The following OR2V1 variants were observed in gnomAD, a reference collection of about 807,000 sequenced individuals.
OR2V1 encodes the protein olfactory receptor family 2 subfamily V member 1.
A neutral mutation model predicts 15.0 loss-of-function variants in OR2V1; 18 were observed. That is an observed-to-expected ratio of 1.20 (90% CI 0.83 to 1.78). The LOEUF (loss-of-function observed/expected upper bound fraction) is 1.78, where lower values mean the gene tolerates loss of function less well. Ranked by LOEUF, OR2V1 falls within the 40% of genes most tolerant of loss-of-function variation. OR2V1 has a pLI of 0.00. For missense variants in OR2V1, 359 were observed against 392.9 expected (o/e 0.91, Z 0.73); for synonymous variants, 144 against 146.1 (o/e 0.99, Z 0.10).
chr5:181,125,024 G>C lies in OR2V1; in HGVS notation c.281C>G (p.Ser94Cys), dbSNP rs1451641023. 1 of 1,614,096 alleles carries C rather than the reference G, an allele frequency of 6.2e-7. No homozygotes were observed. Among genetic ancestry groups the C allele is most frequent in the Non-Finnish European group, 8.5e-7 (1 of 1,180,048 alleles). The stretch of plus-strand genomic sequence containing the variant: ...AATTTGTATGCCACAGCCCACAAAG[G>C]AGATGGACTTCCTGCCAGACAGGAA... ...ANFLSGRKSI[S>C]FVGCGIQIGF... Residue 94 changes from serine (S) to cysteine (C), a missense_variant, in exon 4 of 4, where the codon TCC becomes TGC. By Grantham distance (112) the Ser-to-Cys change is moderately radical. Coordinates refer to ENST00000641551, the MANE Select transcript of OR2V1 (RefSeq NM_001258283.2).
In OR2V1 at chr5:181,124,696, G is replaced by A; in HGVS notation, c.609C>T (p.Cys203=). 1 of 1,612,798 alleles carries A rather than the reference G, an allele frequency of 6.2e-7. No homozygotes were observed. Among genetic ancestry groups the A allele is most frequent in the Non-Finnish European group, 8.5e-7 (1 of 1,180,026 alleles). ...TSLFDTLLFA[C]CVFMLLLPFS... ...AGGGAAGGAGAAGCATGAAGACACA[G>A]CAAGCAAAGAGGAGGGTGTCAAAAA... Residue 203 remains cysteine, a synonymous_variant, in exon 4 of 4, where the codon TGC becomes TGT. Transcript: ENST00000641551.
In OR2V1 at chr5:181,123,375, T is replaced by C. The variant is rs6889758; in HGVS notation, c.*982A>G. On this transcript the variant is annotated 3_prime_UTR_variant, in exon 4 of 4. Transcript: ENST00000641551. ...AAGGTGGTCAGGGCACGCTTGGTTTTATACATTTTAGGGAGACATGAGACA... is the reference window on the plus strand; with the variant it reads ...AAGGTGGTCAGGGCACGCTTGGTTTCATACATTTTAGGGAGACATGAGACA... 4,371 of 153,024 alleles carry C rather than the reference T, an allele frequency of 0.029. 197 individuals are homozygous for C. Among genetic ancestry groups the C allele is most frequent in the African/African-American group, 0.099 (4,093 of 41,542 alleles). 9.5% of individuals were successfully genotyped at this position (153,024 alleles called of 1,614,324 possible).
intron 3 of OR2V1, among the ~76,000 whole-genome samples, chr5:181,126,701 C>T (rs1286934049): frequency 6.6e-6 from 1 of 151,974 alleles, no homozygotes; most frequent in Non-Finnish European, 1.5e-5. Context: ...AACACATAAG[C>T]ACACATACAT....
chr5:181,125,397 G>T, intron 3 of OR2V1, 72 bp from the exon 4 acceptor site: 1 of 1,159,124 alleles, frequency 8.6e-7, no homozygotes, highest in Non-Finnish European at 1.2e-6. Context: ...CAGTTCAACA[G>T]CGTATGCTCT....
intron 3 of OR2V1, among the ~76,000 whole-genome samples, chr5:181,128,298 C>CCACTTGGCCA (rs1380041384): frequency 6.6e-6 from 1 of 152,078 alleles, no homozygotes; most frequent in Non-Finnish European, 1.5e-5. Flanking sequence ...CTGCCAGCTC[C>CCACTTGGCCA]CACCTGGCCA....
rs1362298291 is a variant in OR2V1 at position 181,125,184 on chromosome 5, A to G, written c.121T>C (p.Cys41Arg). 1.9e-6 allele frequency: 3 copies of G among 1,614,046 alleles called. No homozygotes were observed. Residue 41 changes from cysteine to arginine, a missense_variant, in exon 4 of 4, where the codon TGT (cysteine) becomes CGT (arginine). Transcript: ENST00000641551. The part of the protein sequence containing the change: ...AVMVVFTVAL[C>R]GNVLLIFLIY... The stretch of plus-strand genomic sequence containing the variant: ...AGGAAGATGAGGAGGACATTCCCAC[A>G]GAGGGCCACTGTGAAGACCACCATA...
rs937336174 is a variant in OR2V1 at position 181,131,132 on chromosome 5, C to G, written c.-203G>C. The G allele has an allele frequency of 6.6e-6, 1 of 152,304 alleles. No homozygotes were observed. Among genetic ancestry groups the G allele is most frequent in the Non-Finnish European group, 1.5e-5 (1 of 68,106 alleles). The allele number at this position is 152,304 out of a possible 1,614,324, so 9.4% of individuals were successfully genotyped here. On this transcript the variant is annotated 5_prime_UTR_variant, in exon 1 of 4. Transcript: ENST00000641551. ...GGCGTTTCTGCAGGGTCAGTGTCTT[C>G]GTGGGCTGCTGGGGATGGGGCTGAA...
rs1762832377 is a variant in OR2V1, at chr5:181,123,820, A to G, written c.*537T>C. The G allele has an allele frequency of 1.3e-5, 2 of 152,282 alleles. No homozygotes were observed. The highest frequency in any genetic ancestry group is 1.3e-4 in the Admixed American group (2 of 15,294). The allele number at this position is 152,282 out of a possible 1,614,324, so 9.4% of individuals were successfully genotyped here. A position where few individuals can be genotyped will look rare whatever the true frequency, so the allele number is the denominator to read the frequency against. ...AAAAGGCAAAGAACTGTCCAAAAAG[A>G]GTTATAGGGACTCAATTTCTGCCAT... is the stretch of plus-strand genomic sequence containing the variant. On this transcript the variant is annotated 3_prime_UTR_variant, in exon 4 of 4. Transcript: ENST00000641551.
chr5:181,127,317 T>C (rs1224876649), intron 3 of OR2V1, among the ~76,000 whole-genome samples: 1 of 152,258 alleles, frequency 6.6e-6, no homozygotes, highest in Non-Finnish European at 1.5e-5. Flanking sequence ...GAAAGGCTCC[T>C]GCTTCATTGG....
rs761409204 is a variant in OR2V1, at chr5:181,125,081, A to T, written c.224T>A (p.Val75Asp). ...SQLSLMDLML[V>D]CNIVPKMAAN... The stretch of plus-strand genomic sequence containing the variant: ...TGCCATCTTTGGCACAATGTTACAG[A>T]CCAACATGAGGTCCATGAGGGAGAG... The change falls in exon 4 of 4, where the codon GTC becomes GAC. Residue 75 changes from valine to aspartate, a missense_variant. Val to Asp is a radical substitution (Grantham distance 152). Coordinates refer to ENST00000641551, the MANE Select transcript of OR2V1 (RefSeq NM_001258283.2). The T allele has an allele frequency of 1.4e-5, 22 of 1,614,066 alleles. No homozygotes were observed. Among genetic ancestry groups the T allele is most frequent in the African/African-American group, 9.3e-5 (7 of 74,920 alleles).
chr5:181,130,179 G>A lies in OR2V1; in HGVS notation c.-84C>T, dbSNP rs1762943207. 2 of 398,680 alleles carry A rather than the reference G, an allele frequency of 5.0e-6. No individual in the cohort carries two copies. The highest frequency in any genetic ancestry group is 2.5e-4 in the South Asian group (2 of 7,866). 24.7% of individuals were successfully genotyped at this position (398,680 alleles called of 1,614,324 possible). A position where few individuals can be genotyped will look rare whatever the true frequency, so the allele number is the denominator to read the frequency against. ...GGACAAGACCCTCACTCACCTGTGG[G>A]TGGGTCCCTGCAGGGGAACAAACTC... On this transcript the variant is annotated 5_prime_UTR_variant, in exon 2 of 4. Coordinates refer to ENST00000641551, the MANE Select transcript of OR2V1 (RefSeq NM_001258283.2).
chr5:181,125,018 A>G lies in OR2V1; in HGVS notation c.287T>C (p.Val96Ala). The change falls in exon 4 of 4, where the codon GTG becomes GCG. Residue 96 changes from valine to alanine, a missense_variant. Val to Ala is a moderately conservative substitution (Grantham distance 64). Transcript: ENST00000641551. ...AAAGCCAATTTGTATGCCACAGCCC[A>G]CAAAGGAGATGGACTTCCTGCCAGA... ...FLSGRKSISF[V>A]GCGIQIGFFV... The G allele has an allele frequency of 6.2e-7, 1 of 1,614,208 alleles. No homozygotes were observed. The highest frequency in any genetic ancestry group is 1.7e-4 in the Middle Eastern group (1 of 6,042).
chr5:181,130,924 CCTT>C (rs1212310985), intron 1 of OR2V1, 123 bp downstream of exon 1: 1 of 153,130 alleles, frequency 6.5e-6, no homozygotes, highest in Non-Finnish European at 1.5e-5. Flanking sequence ...CCACACCTGT[CCTT>C]CACCTGCCCC....
chr5:181,127,427 G>A (rs1006472193), intron 3 of OR2V1, among the ~76,000 whole-genome samples: 1 of 152,180 alleles, frequency 6.6e-6, no homozygotes, highest in Non-Finnish European at 1.5e-5. Context: ...ACAAAGACGA[G>A]GACCTGCTCC....
chr5:181,127,834 G>T (rs900323508), intron 3 of OR2V1, among the ~76,000 whole-genome samples: 3 of 151,680 alleles, frequency 2.0e-5, no homozygotes, highest in Non-Finnish European at 1.5e-5. Context: ...CCCAGCAGAA[G>T]AAGGGATGCC....
intron 3 of OR2V1, among the ~76,000 whole-genome samples, chr5:181,126,461 GACAC>G (rs1440337537): frequency 7.5e-6 from 1 of 133,210 alleles, no homozygotes; most frequent in Non-Finnish European, 1.6e-5. Flanking sequence ...CACACACAGA[GACAC>G]ACAGACAGAC....
rs1473552251 is a variant in OR2V1, at chr5:181,124,544, CCATAG to C, written c.756_760del (p.Phe252LeufsTer11). The C allele has an allele frequency of 1.2e-6, 2 of 1,613,068 alleles. No homozygotes were observed. The highest frequency in any genetic ancestry group is 1.7e-6 in the Non-Finnish European group (2 of 1,179,574). ...CCTCAGGTACATGAACATGGCTGCCCCATAGAAGAGGGTGACAGCTGTTAGGTGGG... is the reference window on the plus strand; with the variant it reads ...CCTCAGGTACATGAACATGGCTGCCCAAGAGGGTGACAGCTGTTAGGTGGG... On this transcript the variant is annotated frameshift_variant, in exon 4 of 4. Coordinates refer to ENST00000641551, the MANE Select transcript of OR2V1 (RefSeq NM_001258283.2). LOFTEE classifies it high-confidence loss of function.
At position 181,124,267 on chromosome 5, in the gene OR2V1, G is replaced by A. The variant is rs1032737787; in HGVS notation, c.*90C>T. 11 of 1,229,762 alleles carry A rather than the reference G, an allele frequency of 8.9e-6. No individual in the cohort carries two copies. In the Middle Eastern group the frequency reaches 1.5e-3, roughly 163 times the overall value. 76.2% of individuals were successfully genotyped at this position (1,229,762 alleles called of 1,614,324 possible). On this transcript the variant is annotated 3_prime_UTR_variant, in exon 4 of 4. Transcript: ENST00000641551. ...ATAAACCATCCAATGACCATCAACA[G>A]GTGAATGGAAACAGACACTCACAAA...
chr5:181,128,887 G>A (rs1458326170), intron 3 of OR2V1, among the ~76,000 whole-genome samples: 2 of 152,094 alleles, frequency 1.3e-5, no homozygotes, highest in South Asian at 2.1e-4. Context: ...CCCGGAACAG[G>A]GTCTGGCACA....
Sources: allele counts gnomAD v4.1 joint callset (sites outside exome capture counted in the v4.1 genomes callset), GRCh38; gene constraint gnomAD v4.1.1; transcripts MANE v1.5; gene names NCBI Gene and HGNC (gene_info 2026-07-23, HGNC 2026-07-21).